PRDM9: variants seen among roughly 807,000 people sequenced by gnomAD.
PRDM9 encodes the protein histone-lysine N-methyltransferase PRDM9.
A neutral mutation model predicts 55.6 loss-of-function variants in PRDM9; 47 were observed. That is an observed-to-expected ratio of 0.85 (90% CI 0.67 to 1.08). PRDM9 has a LOEUF of 1.08. Among genes scored for constraint, PRDM9 ranks in the 50% least tolerant of loss-of-function variants. The probability of loss-of-function intolerance (pLI) is 0.00; values close to 1 mark genes in which losing one functional copy is unlikely to be tolerated. For synonymous variants in PRDM9, 312 were observed against 375.7 expected (o/e 0.83, Z 1.96); for missense variants, 867 against 1,040.3 (o/e 0.83, Z 2.29).
Position 23,523,374 on chromosome 5 carries a change from C to A in PRDM9, c.950+16C>A. Reference sequence around the variant, plus strand: ...ACTGGATGAGGTAAGGCCAGTAGCTCTCTGAGTTGCAGAGAGAACCTTCAT... The same window carrying A: ...ACTGGATGAGGTAAGGCCAGTAGCTATCTGAGTTGCAGAGAGAACCTTCAT... On this transcript the variant is annotated intron_variant, in intron 9 of 10. Transcript: ENST00000296682. 2.5e-6 allele frequency: 4 copies of A among 1,604,154 alleles called. No homozygotes were observed. The highest frequency in any genetic ancestry group is 3.4e-6 in the Non-Finnish European group (4 of 1,170,994).
Position 23,522,405 on chromosome 5 carries a change from T to A in PRDM9, c.610T>A (p.Tyr204Asn), listed in dbSNP as rs1272527052. 6.2e-7 allele frequency: 1 copy of A among 1,613,162 alleles called. No homozygotes were observed. Among genetic ancestry groups the A allele is most frequent in the Non-Finnish European group, 8.5e-7 (1 of 1,179,064 alleles). ...VSEPQDDDYL[Y>N]CEMCQNFFID... ...CGAGCCGCAGGATGATGATTACCTC[T>A]GTAAGTGACACTTTTGGCCACTCAC... Residue 204 changes from tyrosine (Y) to asparagine (N), a missense_variant and splice_region_variant, in exon 7 of 11, where the codon TAT becomes AAT. This residue lies in a region of PRDM9 where 662 missense variants were observed against 711.9 expected (regional missense o/e 0.93). Coordinates refer to ENST00000296682, the MANE Select transcript of PRDM9 (RefSeq NM_020227.4).
intron 8 of PRDM9, 43 bp downstream of exon 8, chr5:23,522,928 C>T (rs927472151): frequency 1.2e-6 from 2 of 1,614,058 alleles, no homozygotes; most frequent in South Asian, 2.2e-5. Flanking sequence ...CTTCCCACAT[C>T]CCTTCTGTGC....
Position 23,524,351 on chromosome 5 carries a change from G to A in PRDM9, c.968G>A (p.Arg323Gln), listed in dbSNP as rs183638311. 5,785 of 1,613,894 alleles carry A rather than the reference G, an allele frequency of 3.6e-3. 15 individuals carry two copies. Among genetic ancestry groups the A allele is most frequent in the Non-Finnish European group, 4.5e-3 (5,281 of 1,179,856 alleles). The stretch of plus-strand genomic sequence containing the variant: ...GACCCCAGGTATGTGAACTGTGCCC[G>A]GGATGATGAAGAGCAGAACCTGGTG... Reference protein sequence around the residue: ...ANWMRYVNCARDDEEQNLVAF... With the variant: ...ANWMRYVNCAQDDEEQNLVAF... The change falls in exon 10 of 11, where the codon CGG becomes CAG. Residue 323 changes from arginine (R) to glutamine (Q), a missense_variant. This residue lies in a region of PRDM9 where 662 missense variants were observed against 711.9 expected (regional missense o/e 0.93). Transcript: ENST00000296682.
intron 5 of PRDM9, among the ~76,000 whole-genome samples, chr5:23,520,422 A>G (rs1427074108): frequency 6.6e-6 from 1 of 151,276 alleles, no homozygotes; most frequent in African/African-American, 2.4e-5. Flanking sequence ...GAAACTAAAG[A>G]GAATTAGCTA....
intron 4 of PRDM9, among the ~76,000 whole-genome samples, chr5:23,516,426 G>A (rs1308983014): frequency 6.6e-6 from 1 of 152,038 alleles, no homozygotes; most frequent in Non-Finnish European, 1.5e-5. Flanking sequence ...AGGCTGGAGT[G>A]CAGTGGCGTG....
intron 4 of PRDM9, among the ~76,000 whole-genome samples, chr5:23,514,108 T>G (rs1437629656): frequency 1.3e-5 from 2 of 152,228 alleles, no homozygotes; most frequent in African/African-American, 4.8e-5. Flanking sequence ...TCCCTGATGA[T>G]TAGTGATGTT....
chr5:23,524,470 C>T lies in PRDM9; in HGVS notation c.1087C>T (p.Gln363Ter), dbSNP rs367796430. The change falls in exon 10 of 11, where the codon CAG becomes TAG. Residue 363 changes from glutamine (Q) to a stop codon, truncating the protein, a stop_gained. Coordinates refer to ENST00000296682, the MANE Select transcript of PRDM9 (RefSeq NM_020227.4). LOFTEE classifies it high-confidence loss of function. ...GGTCTGGTATGGGGATGAATACGGC[C>T]AGGAACTGGGCATCAAGTGGGGCAG... ...LLVWYGDEYG[Q>*]ELGIKWGSKW... 2.5e-6 allele frequency: 4 copies of T among 1,613,730 alleles called. No individual in the cohort carries two copies. Among genetic ancestry groups the T allele is most frequent in the Non-Finnish European group, 2.5e-6 (3 of 1,179,872 alleles).
At chr5:23,509,317 TA>T (rs1739042274) in intron 2 of PRDM9, among the ~76,000 whole-genome samples, 152 bp from the exon 3 acceptor site, 5 of 152,096 alleles carry the variant, frequency 3.3e-5, no homozygotes, top group Admixed American at 3.3e-4. Context: ...TCTGCTCAGT[TA>T]AATGGGACAC....
rs1399820378 is a variant in PRDM9 at position 23,509,540 on chromosome 5, A to G, written c.140A>G (p.Glu47Gly). 6 of 1,614,216 alleles carry G rather than the reference A, an allele frequency of 3.7e-6. No individual in the cohort carries two copies. Among genetic ancestry groups the G allele is most frequent in the Middle Eastern group, 1.6e-4 (1 of 6,062 alleles). Residue 47 changes from glutamate (E) to glycine (G), a missense_variant, in exon 3 of 11, where the codon GAG (glutamate) becomes GGG (glycine). Transcript: ENST00000296682. ...GAATGGGCAGAGATGGGAGACTGGGAGAAAACTCGCTATAGGAATGTGAAA... is the reference window on the plus strand; with the variant it reads ...GAATGGGCAGAGATGGGAGACTGGGGGAAAACTCGCTATAGGAATGTGAAA... ...KEEWAEMGDWEKTRYRNVKRN... is the reference protein window; with the variant it reads ...KEEWAEMGDWGKTRYRNVKRN...
chr5:23,509,675 G>A, intron 3 of PRDM9, 82 bp downstream of exon 3: 7 of 1,604,970 alleles, frequency 4.4e-6, no homozygotes, highest in Non-Finnish European at 6.0e-6. Flanking sequence ...GTTCTCAGGT[G>A]GTGGCATCTG....
At chr5:23,517,858 A>G in intron 4 of PRDM9, 23 bp from the exon 5 acceptor site, 1 of 1,562,152 alleles carries the variant, frequency 6.4e-7, no homozygotes, top group Non-Finnish European at 8.8e-7. Context: ...CAACCAAACC[A>G]CTGATTTCTC....
At chr5:23,513,313 G>A (rs1247710804) in intron 4 of PRDM9, among the ~76,000 whole-genome samples, 1 of 152,150 alleles carries the variant, frequency 6.6e-6, no homozygotes, top group Non-Finnish European at 1.5e-5. Context: ...GTATTAAGAG[G>A]TGGAGCCTTT....
At chr5:23,513,141 T>C (rs184946672) in intron 4 of PRDM9, among the ~76,000 whole-genome samples, 105 of 152,334 alleles carry the variant, frequency 6.9e-4, no homozygotes, top group African/African-American at 2.4e-3. Flanking sequence ...ATATATTGTA[T>C]ACCCAGAAGT....
chr5:23,528,003 T>C lies in PRDM9; in HGVS notation c.*230T>C. ...TGTAAGTGTTCGGGGGACATCAGCATGTGTGGTTCTTTCCCGCACTGATCC... is the reference window on the plus strand; with the variant it reads ...TGTAAGTGTTCGGGGGACATCAGCACGTGTGGTTCTTTCCCGCACTGATCC... On this transcript the variant is annotated 3_prime_UTR_variant, in exon 11 of 11. Transcript: ENST00000296682. 1.5e-6 allele frequency: 1 copy of C among 659,814 alleles called. No individual in the cohort carries two copies. Among genetic ancestry groups the C allele is most frequent in the Non-Finnish European group, 2.6e-6 (1 of 386,568 alleles). 40.9% of individuals were successfully genotyped at this position (659,814 alleles called of 1,614,324 possible). A position where few individuals can be genotyped will look rare whatever the true frequency, so the allele number is the denominator to read the frequency against.
intron 4 of PRDM9, among the ~76,000 whole-genome samples, chr5:23,513,477 G>A (rs201271226): frequency 3.3e-5 from 5 of 152,030 alleles, no homozygotes; most frequent in Non-Finnish European, 5.9e-5. Context: ...GCACACTTAC[G>A]CTTCCACCAT....
In PRDM9 at chr5:23,526,438, A is replaced by G; in HGVS notation, c.1350A>G (p.Lys450=). The change falls in exon 11 of 11, where the codon AAA becomes AAG. Residue 450 remains lysine (K), a synonymous_variant. Coordinates refer to ENST00000296682, the MANE Select transcript of PRDM9 (RefSeq NM_020227.4). ...QYPDPHSRND[K]TKGQEIKERS... The stretch of plus-strand genomic sequence containing the variant: ...CAGATCCACACAGCCGTAATGACAA[A>G]ACCAAAGGTCAAGAGATCAAAGAAA... 1 of 1,614,200 alleles carries G rather than the reference A, an allele frequency of 6.2e-7. No homozygotes were observed. The highest frequency in any genetic ancestry group is 8.5e-7 in the Non-Finnish European group (1 of 1,180,038).
intron 4 of PRDM9, among the ~76,000 whole-genome samples, chr5:23,513,529 A>G (rs569466822): frequency 1.3e-5 from 2 of 152,202 alleles, no homozygotes; most frequent in South Asian, 4.2e-4. Context: ...TGCCAGGGCC[A>G]TGCTCTTCAA....
rs1259750878 is a variant in PRDM9, at chr5:23,523,345, G to C, written c.937G>C (p.Ala313Pro). ...EYVDGKDKSW[A>P]NWMRYVNCAR... Reference sequence around the variant, plus strand: ...TGTGGATGGAAAAGATAAATCCTGGGCCAACTGGATGAGGTAAGGCCAGTA... The same window carrying C: ...TGTGGATGGAAAAGATAAATCCTGGCCCAACTGGATGAGGTAAGGCCAGTA... Residue 313 changes from alanine to proline, a missense_variant, in exon 9 of 11, where the codon GCC becomes CCC. Ala to Pro is a conservative substitution (Grantham distance 27). Transcript: ENST00000296682. 1.2e-6 allele frequency: 2 copies of C among 1,613,480 alleles called. No individual in the cohort carries two copies. The highest frequency in any genetic ancestry group is 3.3e-5 in the Admixed American group (2 of 60,020).
chr5:23,518,612 G>A (rs569390919), intron 5 of PRDM9, among the ~76,000 whole-genome samples: 1 of 152,300 alleles, frequency 6.6e-6, no homozygotes, highest in African/African-American at 2.4e-5. Flanking sequence ...CCAGCCCTGA[G>A]GAGTTTCAGC....
Sources: gnomAD v4.1 joint callset for allele counts (sites outside exome capture counted in the v4.1 genomes callset) on GRCh38, gnomAD v4.1.1 for gene constraint, gnomAD v4.1.1 regional missense constraint, MANE v1.5 for transcripts, NCBI Gene and HGNC (gene_info 2026-07-23, HGNC 2026-07-21) for gene names.